Variants in FLT3 observed in about 807,000 individuals in gnomAD.
The protein encoded by FLT3 is fms related receptor tyrosine kinase 3, also known as receptor-type tyrosine-protein kinase FLT3.
FLT3 carries 46 observed loss-of-function variants against 126.6 expected under a neutral mutation model. The observed-to-expected ratio is 0.36, with a 90% CI of 0.29 to 0.46. The LOEUF is 0.46. Ranked by LOEUF, FLT3 falls within the 20% of genes least tolerant of loss-of-function variation. FLT3 has a pLI of 1.00. For synonymous variants in FLT3, 404 were observed against 434.4 expected, an observed-to-expected ratio of 0.93 and a Z score of 0.87; for missense variants, 1,069 against 1,190.3, an observed-to-expected ratio of 0.90 and a Z score of 1.50.
intron 2 of FLT3, among the ~76,000 whole-genome samples, chr13:28,063,277 G>A (rs1376711316): frequency 2.0e-5 from 3 of 152,014 alleles, no homozygotes; most frequent in South Asian, 2.1e-4. Context: ...TCAGGAGTTC[G>A]AGACCAGCCT....
chr13:28,017,718 G>A (rs1218505548), intron 20 of FLT3, among the ~76,000 whole-genome samples: 28 of 146,610 alleles, frequency 1.9e-4, no homozygotes, highest in African/African-American at 6.8e-4. Context: ...AGGCTGGAGT[G>A]CAGTGGCGCG....
At chr13:28,063,119 CA>C (rs1876716817) in intron 2 of FLT3, among the ~76,000 whole-genome samples, 1 of 151,844 alleles carries the variant, frequency 6.6e-6, no homozygotes, top group Non-Finnish European at 1.5e-5. Context: ...ATTTAAAAAC[CA>C]AATTTTCTGG....
In FLT3 at chr13:28,034,225, G is replaced by T. The variant is rs776826985; in HGVS notation, c.1705-11C>A. ...TTCATACCTAAATTGCTTCAGAGAT[G>T]AAATGATGAGTCAGTTAGGAATAGG... On this transcript the variant is annotated splice_polypyrimidine_tract_variant and intron_variant, in intron 13 of 23. Transcript: ENST00000241453. 14 of 1,613,934 alleles carry T rather than the reference G, an allele frequency of 8.7e-6. No individual in the cohort carries two copies. Among genetic ancestry groups the T allele is most frequent in the Non-Finnish European group, 1.2e-5 (14 of 1,179,908 alleles).
chr13:28,057,057 T>C (rs1274257953), intron 4 of FLT3, among the ~76,000 whole-genome samples: 1 of 152,206 alleles, frequency 6.6e-6, no homozygotes, highest in Non-Finnish European at 1.5e-5. Context: ...AAGGTCAAAA[T>C]GTTTTCCATT....
chr13:28,043,841 G>A (rs1874600543), intron 9 of FLT3, among the ~76,000 whole-genome samples: 1 of 152,122 alleles, frequency 6.6e-6, no homozygotes, highest in Non-Finnish European at 1.5e-5. Flanking sequence ...GCCAGGAAAG[G>A]TGGTTCACGG....
chr13:28,026,352 G>GAAAA (rs5802460), intron 17 of FLT3, among the ~76,000 whole-genome samples: 11 of 78,894 alleles, frequency 1.4e-4, no homozygotes, highest in South Asian at 4.6e-4. Context: ...AACTCTGTCT[G>GAAAA]AAAAAAAAAA....
rs1455404539 is a variant in FLT3, at chr13:28,024,779, A to G, written c.2290+82T>C. On this transcript the variant is annotated intron_variant, in intron 18 of 23. Coordinates refer to ENST00000241453, the MANE Select transcript of FLT3 (RefSeq NM_004119.3). ...CAAATTTTAAAATGCTTTTGTGTTT[A>G]CACACTTTTAAAAAATAGCTAACAT... 4 of 983,828 alleles carry G rather than the reference A, an allele frequency of 4.1e-6. No homozygotes were observed. The East Asian group carries it at 9.8e-5, about 24-fold the overall frequency. The allele number at this position is 983,828 out of a possible 1,614,324, so 60.9% of individuals were successfully genotyped here. A position where few individuals can be genotyped will look rare whatever the true frequency, so the allele number is the denominator to read the frequency against.
rs573768667 is a variant in FLT3, at chr13:28,015,675, G to C, written c.2568C>G (p.Ala856=). 6.2e-7 allele frequency: 1 copy of C among 1,606,664 alleles called. No individual in the cohort carries two copies. Among genetic ancestry groups the C allele is most frequent in the African/African-American group, 1.4e-5 (1 of 73,282 alleles). The change falls in exon 21 of 24, where the codon GCC becomes GCG. Residue 856 remains alanine (A), a synonymous_variant. Transcript: ENST00000241453. Reference sequence around the variant, plus strand: ...AGATGCCTTCAAACAGGCTTTCGGGGGCCATCCATTTTACAGGCAGACGGG... The same window carrying C: ...AGATGCCTTCAAACAGGCTTTCGGGCGCCATCCATTTTACAGGCAGACGGG... The part of the protein sequence containing the change: ...GNARLPVKWM[A]PESLFEGIYT...
At chr13:28,053,207 C>T (rs1193395514) in intron 4 of FLT3, among the ~76,000 whole-genome samples, 2 of 151,882 alleles carry the variant, frequency 1.3e-5, no homozygotes, top group Non-Finnish European at 2.9e-5. Context: ...CCATCCTTCA[C>T]TCCCAGCTAT....
chr13:28,059,715 A>G (rs1227789666), intron 3 of FLT3, among the ~76,000 whole-genome samples: 1 of 152,142 alleles, frequency 6.6e-6, no homozygotes, highest in Non-Finnish European at 1.5e-5. Flanking sequence ...TAATCCCAGC[A>G]CTTTGGGAGG....
chr13:28,059,051 A>C (rs1051078656), intron 3 of FLT3, among the ~76,000 whole-genome samples: 10 of 152,224 alleles, frequency 6.6e-5, no homozygotes, highest in Non-Finnish European at 1.2e-4. Context: ...AAAAACAAGA[A>C]GTGAGTAATA....
At position 28,098,783 on chromosome 13, in the gene FLT3, TA is replaced by T. The variant is rs56095317; in HGVS notation, c.43+1684del. 2.9e-4 allele frequency among the ~76,000 whole-genome samples: 43 copies of T among 146,840 alleles called. No homozygotes were observed. In the Middle Eastern group the frequency reaches 0.01, roughly 36 times the overall value. On this transcript the variant is annotated intron_variant, in intron 1 of 23. Coordinates refer to ENST00000241453, the MANE Select transcript of FLT3 (RefSeq NM_004119.3). ...CATACCACGGAATGGTACCAGCAAT[TA>T]AAAAAAAAAACACTGCTACAGAGAA...
intron 9 of FLT3, among the ~76,000 whole-genome samples, chr13:28,046,158 G>A (rs964187827): frequency 2.0e-5 from 3 of 152,032 alleles, no homozygotes; most frequent in Non-Finnish European, 4.4e-5. Context: ...CCTGAGTTTG[G>A]GGGAGTGTGT....
At chr13:28,065,054 T>C (rs1021954628) in intron 2 of FLT3, among the ~76,000 whole-genome samples, 4 of 152,190 alleles carry the variant, frequency 2.6e-5, no homozygotes, top group Admixed American at 2.0e-4. Context: ...CTGGATGTAC[T>C]GTTAAGTGAA....
At chr13:28,029,908 T>C (rs941040307) in intron 15 of FLT3, among the ~76,000 whole-genome samples, 16 of 152,204 alleles carry the variant, frequency 1.1e-4, no homozygotes, top group African/African-American at 3.4e-4. Context: ...AAAGTCACTA[T>C]GGAATCCAAG....
Position 28,018,526 on chromosome 13 carries a change from A to G in FLT3, c.2482T>C (p.Cys828Arg). 4 of 1,614,194 alleles carry G rather than the reference A, an allele frequency of 2.5e-6. No individual in the cohort carries two copies. The highest frequency in any genetic ancestry group is 3.4e-6 in the Non-Finnish European group (4 of 1,180,014). ...LVTHGKVVKI[C>R]DFGLARDIMS... is the part of the protein sequence containing the mutation. The stretch of plus-strand genomic sequence containing the variant: ...ATATCTCGAGCCAATCCAAAGTCAC[A>G]TATCTTCACCACTTTCCCGTGGGTG... The change falls in exon 20 of 24, where the codon TGT becomes CGT. Residue 828 changes from cysteine (C) to arginine (R), a missense_variant. Cys to Arg is a radical substitution (Grantham distance 180). Coordinates refer to ENST00000241453, the MANE Select transcript of FLT3 (RefSeq NM_004119.3).
At chr13:28,072,708 C>G (rs962526462) in intron 1 of FLT3, among the ~76,000 whole-genome samples, 1 of 151,030 alleles carries the variant, frequency 6.6e-6, no homozygotes, top group African/African-American at 2.4e-5. Context: ...GATCTATTCT[C>G]TTAACAAATA....
At chr13:28,082,533 T>C (rs1323412380) in intron 1 of FLT3, among the ~76,000 whole-genome samples, 1 of 151,806 alleles carries the variant, frequency 6.6e-6, no homozygotes, top group Non-Finnish European at 1.5e-5. Flanking sequence ...TCTCACTGTG[T>C]CACCTAGGAT....
At chr13:28,095,420 C>T (rs553254407) in intron 1 of FLT3, among the ~76,000 whole-genome samples, 4 of 152,244 alleles carry the variant, frequency 2.6e-5, no homozygotes, top group East Asian at 1.9e-4. Context: ...GAACTACAGG[C>T]GTGCGCCACC....
Sources: allele counts gnomAD v4.1 joint callset (sites outside exome capture counted in the v4.1 genomes callset), GRCh38; gene constraint gnomAD v4.1.1; transcripts MANE v1.5; gene names NCBI Gene and HGNC (gene_info 2026-07-23, HGNC 2026-07-21).